The following DMD variants were observed in gnomAD, a reference collection of about 807,000 sequenced individuals.
DMD encodes the protein mutant dystrophin.
Under a neutral mutation model 330.1 loss-of-function variants are expected in DMD, and 63 were observed. The ratio of observed to expected loss-of-function variants is 0.19; its 90% CI spans 0.16 to 0.24. DMD has a LOEUF of 0.24. Among genes scored for constraint, DMD ranks in the 10% least tolerant of loss-of-function variants. The probability of loss-of-function intolerance (pLI) is 1.00; values close to 1 mark genes in which losing one functional copy is unlikely to be tolerated. For synonymous variants in DMD, 1,223 were observed against 959.8 expected (o/e 1.27, Z -5.07); for missense variants, 3,344 against 2,684.1 (o/e 1.25, Z -5.43).
intron 53 of DMD, among the ~76,000 whole-genome samples, chrX:31,668,952 A>G (rs886503059): frequency 4.4e-5 from 5 of 112,363 alleles, no homozygotes; most frequent in African/African-American, 1.6e-4. Context: ...TCTTTATTTA[A>G]GGCTGAATAA....
intron 55 of DMD, among the ~76,000 whole-genome samples, chrX:31,577,361 C>T (rs2148003770): frequency 8.9e-6 from 1 of 112,091 alleles, no homozygotes; most frequent in Non-Finnish European, 1.9e-5. Context: ...CTATTAATTC[C>T]TTTTGTATTC....
chrX:31,388,945 G>C (rs754681864), intron 60 of DMD, among the ~76,000 whole-genome samples: 1 of 112,050 alleles, frequency 8.9e-6, no homozygotes, highest in East Asian at 2.8e-4. Context: ...TGAGACCATT[G>C]GAAGAGCTGA....
intron 74 of DMD, among the ~76,000 whole-genome samples, chrX:31,150,124 T>A (rs113386108): frequency 1.2e-3 from 136 of 112,020 alleles, no homozygotes; most frequent in African/African-American, 4.3e-3. Flanking sequence ...AGCTATCAAT[T>A]TTTGTTAGAT....
intron 41 of DMD, among the ~76,000 whole-genome samples, chrX:32,322,607 C>T (rs1367463139): frequency 6.3e-5 from 7 of 111,172 alleles, no homozygotes; most frequent in Admixed American, 5.8e-4. Flanking sequence ...AACAGGGACA[C>T]ATTTAGAAAC....
chrX:32,293,446 A>G (rs12845541), intron 42 of DMD, among the ~76,000 whole-genome samples: 1 of 111,469 alleles, frequency 9.0e-6, no homozygotes, highest in Non-Finnish European at 1.9e-5. Flanking sequence ...GGAGTTGTCA[A>G]CAAGTCAGAT....
chrX:32,056,390 TAA>T (rs34726053), intron 44 of DMD, among the ~76,000 whole-genome samples: 6,210 of 47,393 alleles, frequency 0.13, 281 homozygotes, highest in East Asian at 0.38. Flanking sequence ...GTAGATTAAG[TAA>T]AAAAAAAAAA....
At chrX:31,978,124 G>A (rs767483560) in intron 44 of DMD, among the ~76,000 whole-genome samples, 1 of 111,391 alleles carries the variant, frequency 9.0e-6, no homozygotes, top group East Asian at 2.8e-4. Context: ...AGGCTACCAC[G>A]TAGCATTTCA....
chrX:31,192,942 G>A lies in DMD; in HGVS notation c.9808-10038C>T, dbSNP rs142972900. Among the ~76,000 whole-genome samples the A allele has an allele frequency of 2.5e-4, 28 of 111,624 alleles. No individual in the cohort carries two copies. In the East Asian group the frequency reaches 5.1e-3, roughly 20 times the overall value. On this transcript the variant is annotated intron_variant, in intron 67 of 78. Transcript: ENST00000357033. Reference sequence around the variant, plus strand: ...TAAATCTTCAACTGAATTATATGCCGATAACATGGCTGCGAGAGCCAATGG... The same window carrying A: ...TAAATCTTCAACTGAATTATATGCCAATAACATGGCTGCGAGAGCCAATGG...
intron 1 of DMD, among the ~76,000 whole-genome samples, chrX:33,034,435 T>C (rs1411777800): frequency 9.0e-6 from 1 of 111,717 alleles, no homozygotes; most frequent in Non-Finnish European, 1.9e-5. Context: ...TGTGCCTCTG[T>C]TTCCTCACCT....
At position 33,211,477 on chromosome X, in the gene DMD, G is replaced by A. The variant is rs759407696; in HGVS notation, c.-165C>T. ...TATTCGTTTTTCTCCGAAGGTAATTGCCTCCCAGATCTGAGTCCTGTAGGG... is the reference window on the plus strand; with the variant it reads ...TATTCGTTTTTCTCCGAAGGTAATTACCTCCCAGATCTGAGTCCTGTAGGG... On this transcript the variant is annotated 5_prime_UTR_variant, in exon 1 of 79. Coordinates refer to ENST00000357033, the MANE Select transcript of DMD (RefSeq NM_004006.3). 1.8e-6 allele frequency: 2 copies of A among 1,121,481 alleles called. No homozygotes were observed. The highest frequency in any genetic ancestry group is 3.7e-5 in the African/African-American group (2 of 54,168). 92.4% of individuals were successfully genotyped at this position (1,121,481 alleles called of 1,213,427 possible).
intron 9 of DMD, among the ~76,000 whole-genome samples, chrX:32,690,220 A>C (rs907567932): frequency 3.6e-5 from 4 of 111,610 alleles, no homozygotes. Flanking sequence ...ATACAAAATC[A>C]TCATACAAAA....
intron 40 of DMD, chrX:32,342,766 C>G (rs1204524561): frequency 3.0e-6 from 1 of 331,577 alleles, no homozygotes; most frequent in Admixed American, 3.6e-5. Flanking sequence ...AGAGAGTGAA[C>G]ACTGATGTGT....
chrX:32,190,775 G>A (rs1272098846), intron 44 of DMD, among the ~76,000 whole-genome samples: 3 of 108,846 alleles, frequency 2.8e-5, no homozygotes, highest in African/African-American at 6.7e-5. Flanking sequence ...CCGTGTTAAA[G>A]ATGTTTTAAC....
intron 60 of DMD, among the ~76,000 whole-genome samples, chrX:31,439,322 G>GT: frequency 9.0e-6 from 1 of 111,648 alleles, no homozygotes; most frequent in East Asian, 2.8e-4. Context: ...TCATTACAAT[G>GT]TCTTCTAGGT....
chrX:31,809,974 G>A (rs941916543), intron 50 of DMD, among the ~76,000 whole-genome samples: 3 of 111,014 alleles, frequency 2.7e-5, no homozygotes, highest in Admixed American at 1.9e-4. Flanking sequence ...GGTCAAGCAC[G>A]CGATCATTTA....
intron 60 of DMD, among the ~76,000 whole-genome samples, chrX:31,381,851 A>G (rs1053106744): frequency 1.8e-5 from 2 of 111,490 alleles, no homozygotes; most frequent in Non-Finnish European, 3.8e-5. Flanking sequence ...CTGCTATTCT[A>G]CTACTCCTCA....
intron 64 of DMD, among the ~76,000 whole-genome samples, chrX:31,212,346 C>T (rs2044814339): frequency 9.1e-6 from 1 of 109,419 alleles, no homozygotes; most frequent in Admixed American, 9.9e-5. Context: ...TGTGGTGGTA[C>T]CCTATGCATG....
intron 62 of DMD, among the ~76,000 whole-genome samples, chrX:31,279,622 T>C: frequency 8.9e-6 from 1 of 112,408 alleles, no homozygotes; most frequent in Non-Finnish European, 1.9e-5. Context: ...GTTGCATCTG[T>C]TCCTAGATGA....
At chrX:32,631,929 T>A (rs1019868193) in intron 11 of DMD, among the ~76,000 whole-genome samples, 1 of 111,215 alleles carries the variant, frequency 9.0e-6, no homozygotes, top group African/African-American at 3.3e-5. Context: ...TCTCAAGTCC[T>A]TCTCACATTT....
Sources: allele counts gnomAD v4.1 joint callset (sites outside exome capture counted in the v4.1 genomes callset), GRCh38; gene constraint gnomAD v4.1.1; transcripts MANE v1.5; gene names NCBI Gene and HGNC (gene_info 2026-07-23, HGNC 2026-07-21).